The following WDR59 variants were observed in gnomAD, a reference collection of about 807,000 sequenced individuals.
The protein encoded by WDR59 is GATOR2 complex protein WDR59.
In WDR59, 100 loss-of-function variants were observed where a neutral mutation model predicts 131.2. That is an observed-to-expected ratio of 0.76 (90% confidence interval 0.65 to 0.90). The LOEUF (loss-of-function observed/expected upper bound fraction) is 0.90. Among genes scored for constraint, WDR59 ranks in the 40% least tolerant of loss-of-function variants. The pLI is 0.00. For missense variants in WDR59, 1,203 were observed against 1,262.2 expected (o/e 0.95, Z 0.71); for synonymous variants, 601 against 466.2 (o/e 1.29, Z -3.72).
At chr16:74,972,134 T>C (rs796364135) in intron 1 of WDR59, among the ~76,000 whole-genome samples, 20 of 152,332 alleles carry the variant, frequency 1.3e-4, no homozygotes, top group African/African-American at 4.6e-4. Flanking sequence ...TAGAAGTCTT[T>C]GTTCCTTCAA....
chr16:74,913,101 C>T lies in WDR59; in HGVS notation c.1225-739G>A, dbSNP rs1966186068. Among the ~76,000 whole-genome samples, 5 of 151,908 alleles carry T rather than the reference C, an allele frequency of 3.3e-5. No homozygotes were observed. In the South Asian group the frequency reaches 1.0e-3, roughly 32 times the overall value. ...GGGGGGGGGCCTGTTCCCAACATGT[C>T]CCCCTTCTTTGATTTGCAAAGTGAT... On this transcript the variant is annotated intron_variant, in intron 13 of 25. Coordinates refer to ENST00000262144, the MANE Select transcript of WDR59 (RefSeq NM_030581.4).
chr16:74,887,870 C>A, intron 22 of WDR59, 115 bp from the exon 23 acceptor site: 2 of 1,115,208 alleles, frequency 1.8e-6, no homozygotes, highest in Non-Finnish European at 2.6e-6. Context: ...GTAATCCTAG[C>A]AGTTTGGGAG....
rs376682135 is a variant in WDR59, at chr16:74,935,424, TTTC to T, written c.651+2723_651+2725del. The stretch of plus-strand genomic sequence containing the variant: ...GGGCCACATAAGAAAAATTCTTTTC[TTTC>T]TTCTTGATCTATCCCTAACCTTCAA... On this transcript the variant is annotated intron_variant, in intron 8 of 25. Coordinates refer to ENST00000262144, the MANE Select transcript of WDR59 (RefSeq NM_030581.4). 1.6e-3 allele frequency among the ~76,000 whole-genome samples: 240 copies of T among 152,308 alleles called. 4 individuals carry two copies. The East Asian group carries it at 0.04, about 26-fold the overall frequency.
chr16:74,872,813 A>G lies in WDR59; in HGVS notation c.*1396T>C, dbSNP rs1401575253. 1.3e-5 allele frequency: 2 copies of G among 151,808 alleles called. No individual in the cohort carries two copies. Among genetic ancestry groups the G allele is most frequent in the African/African-American group, 4.8e-5 (2 of 41,344 alleles). The allele number at this position is 151,808 out of a possible 1,614,324, so 9.4% of individuals were successfully genotyped here. On this transcript the variant is annotated 3_prime_UTR_variant, in exon 26 of 26. Transcript: ENST00000262144. ...CAGCGGTGCAATCAAGGCTCACTGC[A>G]GCCTCAACCTCCTGGACTCAAGTGA... is the stretch of plus-strand genomic sequence containing the variant.
Position 74,898,803 on chromosome 16 carries a change from C to G in WDR59, c.1867-4991G>C, listed in dbSNP as rs926024141. The stretch of plus-strand genomic sequence containing the variant: ...GTCCCTATTTAAATAGCAGTGGGAG[C>G]AGGGACTTTTGGACAATCAGTGGAA... On this transcript the variant is annotated intron_variant, in intron 18 of 25. Coordinates refer to ENST00000262144, the MANE Select transcript of WDR59 (RefSeq NM_030581.4). Among the ~76,000 whole-genome samples, 4 of 152,286 alleles carry G rather than the reference C, an allele frequency of 2.6e-5. No homozygotes were observed. In the South Asian group the frequency reaches 8.3e-4, roughly 32 times the overall value.
intron 1 of WDR59, among the ~76,000 whole-genome samples, chr16:74,978,154 G>C (rs567710802): frequency 6.6e-6 from 1 of 152,188 alleles, no homozygotes; most frequent in South Asian, 2.1e-4. Flanking sequence ...AGGAGTTCAA[G>C]ACCAGCCTGG....
intron 6 of WDR59, among the ~76,000 whole-genome samples, chr16:74,948,144 T>G (rs2032763669): frequency 6.6e-6 from 1 of 152,100 alleles, no homozygotes; most frequent in African/African-American, 2.4e-5. Context: ...GAAATAAAAT[T>G]GGATGTATGA....
chr16:74,956,551 G>A lies in WDR59; in HGVS notation c.164C>T (p.Ser55Phe). Reference protein sequence around the residue: ...DAPFEGHRKISRQSKWDIGAV... With the variant: ...DAPFEGHRKIFRQSKWDIGAV... ...TCCAATGTCCCATTTGCTCTGGCGA[G>A]AGATCTTTCGGTGACCTTCGAAAGG... is the stretch of plus-strand genomic sequence containing the variant. Residue 55 changes from serine to phenylalanine, a missense_variant, in exon 3 of 26, where the codon TCT (serine) becomes TTT (phenylalanine). Physicochemically the swap from Ser to Phe is radical, Grantham distance 155. Coordinates refer to ENST00000262144, the MANE Select transcript of WDR59 (RefSeq NM_030581.4). 1 of 1,614,132 alleles carries A rather than the reference G, an allele frequency of 6.2e-7. No individual in the cohort carries two copies. The highest frequency in any genetic ancestry group is 1.7e-5 in the Admixed American group (1 of 59,992).
In WDR59 at chr16:74,906,320, A is replaced by AAAAAAAAAAAAC. The variant is rs765077670; in HGVS notation, c.1713-2221_1713-2220insGTTTTTTTTTTT. On this transcript the variant is annotated intron_variant, in intron 17 of 25. Coordinates refer to ENST00000262144, the MANE Select transcript of WDR59 (RefSeq NM_030581.4). ...CAGAGCAAGACTCCGTCTCAAAAAA[A>AAAAAAAAAAAAC]AAAAAACCCACAGTGAGATACTAGG... 9.7e-4 allele frequency among the ~76,000 whole-genome samples: 132 copies of AAAAAAAAAAAAC among 136,360 alleles called. 10 individuals are homozygous for AAAAAAAAAAAAC. Among genetic ancestry groups the AAAAAAAAAAAAC allele is most frequent in the African/African-American group, 3.0e-3 (113 of 38,124 alleles). 89.5% of individuals were successfully genotyped at this position (136,360 alleles called of 152,430 possible).
At chr16:74,926,970 C>T (rs1013115252) in intron 8 of WDR59, among the ~76,000 whole-genome samples, 5 of 152,130 alleles carry the variant, frequency 3.3e-5, no homozygotes, top group Non-Finnish European at 7.3e-5. Context: ...AGCTGTTCCT[C>T]TACTTAATGC....
At chr16:74,948,665 G>C in intron 5 of WDR59, 109 bp from the exon 6 acceptor site, 3 of 910,232 alleles carry the variant, frequency 3.3e-6, no homozygotes, top group Non-Finnish European at 5.4e-6. Context: ...TGGGAACTTG[G>C]AGTAGGTAGA....
At chr16:74,916,366 T>C in intron 11 of WDR59, 107 bp from the exon 12 acceptor site, 1 of 1,417,360 alleles carries the variant, frequency 7.1e-7, no homozygotes, top group East Asian at 2.3e-5. Context: ...AGGATGGGGA[T>C]GTGTCAGCCA....
At chr16:74,882,877 A>G (rs1597629917) in intron 25 of WDR59, among the ~76,000 whole-genome samples, 1 of 150,208 alleles carries the variant, frequency 6.7e-6, no homozygotes, top group Non-Finnish European at 1.5e-5. Flanking sequence ...AAAAGAAACT[A>G]TACCTACACA....
chr16:74,888,892 G>C (rs574852699), intron 21 of WDR59, among the ~76,000 whole-genome samples: 104 of 152,342 alleles, frequency 6.8e-4, no homozygotes, highest in Non-Finnish European at 1.4e-3. Context: ...CTTTCAGGAA[G>C]ATTATGCTAG....
chr16:74,958,733 C>A (rs1391465571), intron 2 of WDR59, among the ~76,000 whole-genome samples: 1 of 150,946 alleles, frequency 6.6e-6, no homozygotes, highest in African/African-American at 2.4e-5. Flanking sequence ...GGCTAGAAGA[C>A]AACAAGCAGA....
At chr16:74,919,634 C>T (rs1022977161) in intron 10 of WDR59, among the ~76,000 whole-genome samples, 4 of 152,180 alleles carry the variant, frequency 2.6e-5, no homozygotes, top group Admixed American at 6.5e-5. Context: ...TGAGCCACCG[C>T]ACCTGGCCTG....
At position 74,874,335 on chromosome 16, in the gene WDR59, TC is replaced by T. The variant is rs1567677361; in HGVS notation, c.2798del (p.Gly933AspfsTer7). On this transcript the variant is annotated frameshift_variant, in exon 26 of 26. Transcript: ENST00000262144. LOFTEE classifies it high-confidence loss of function. Reference protein sequence around the residue: ...QCAICHVAVRGSSNFCLTCGH... With the variant: ...QCAICHVAVRXSSNFCLTCGH... ...CACAGGTCAGGCAGAAATTGGACGA[TC>T]CCCGCACAGCCACGTGACAGATGGC... 3 of 1,614,088 alleles carry T rather than the reference TC, an allele frequency of 1.9e-6. No individual in the cohort carries two copies. Among genetic ancestry groups the T allele is most frequent in the Non-Finnish European group, 2.5e-6 (3 of 1,180,028 alleles).
In WDR59 at chr16:74,985,049, G is replaced by A. The variant is rs371948529; in HGVS notation, c.-32C>T. Reference sequence around the variant, plus strand: ...CGCCCGGCCGCCGCGGCCCCAGGACGGCGCCCTCCCACCCCGCCGTCCCCA... The same window carrying A: ...CGCCCGGCCGCCGCGGCCCCAGGACAGCGCCCTCCCACCCCGCCGTCCCCA... On this transcript the variant is annotated 5_prime_UTR_variant, in exon 1 of 26. Transcript: ENST00000262144. 627 of 1,552,258 alleles carry A rather than the reference G, an allele frequency of 4.0e-4. 1 individual carries two copies. In the African/African-American group the frequency reaches 6.7e-3, roughly 17 times the overall value.
At chr16:74,886,220 G>C in intron 24 of WDR59, 50 bp downstream of exon 24, 1 of 1,480,694 alleles carries the variant, frequency 6.8e-7, no homozygotes, top group Non-Finnish European at 9.3e-7. Flanking sequence ...AGAAACTGGA[G>C]TCCTGCCTGG....
Sources: gnomAD v4.1 joint callset for allele counts (sites outside exome capture counted in the v4.1 genomes callset) on GRCh38, gnomAD v4.1.1 for gene constraint, MANE v1.5 for transcripts, NCBI Gene and HGNC (gene_info 2026-07-23, HGNC 2026-07-21) for gene names.